NAV2: variants seen among roughly 807,000 people sequenced by gnomAD.
NAV2 encodes neuron navigator 2.
In NAV2, 54 loss-of-function variants were observed where a neutral mutation model predicts 223.2. That is an observed-to-expected ratio of 0.24 (90% CI 0.19 to 0.30). NAV2 has a LOEUF of 0.30. NAV2 is among the 10% of genes least tolerant of loss of function. NAV2 has a pLI of 1.00. For missense variants in NAV2, 2,806 were observed against 3,147.5 expected (o/e 0.89, Z 2.60); for synonymous variants, 1,279 against 1,239.3 (o/e 1.03, Z -0.67).
At chr11:19,697,099 TA>T (rs1212775134) in intron 1 of NAV2, among the ~76,000 whole-genome samples, 1 of 152,140 alleles carries the variant, frequency 6.6e-6, no homozygotes, top group Non-Finnish European at 1.5e-5. Flanking sequence ...TATGCAGCCA[TA>T]AAAAAGAACA....
intron 1 of NAV2, among the ~76,000 whole-genome samples, chr11:19,477,861 G>T (rs1449616512): frequency 6.6e-6 from 1 of 152,200 alleles, no homozygotes; most frequent in Non-Finnish European, 1.5e-5. Context: ...TGGGGAGCCA[G>T]AACTTAAAGT....
chr11:19,727,825 C>G (rs560085710), intron 1 of NAV2, among the ~76,000 whole-genome samples: 4 of 152,322 alleles, frequency 2.6e-5, no homozygotes, highest in African/African-American at 9.6e-5. Flanking sequence ...CATGGACCAC[C>G]ACAGGTGGAG....
chr11:20,060,524 G>A (rs181867950), intron 19 of NAV2, among the ~76,000 whole-genome samples: 11 of 152,334 alleles, frequency 7.2e-5, no homozygotes, highest in Non-Finnish European at 1.5e-4. Flanking sequence ...GATCTAGAAC[G>A]CAGGGCATTG....
At chr11:20,056,711 C>T (rs934774420) in intron 19 of NAV2, 7 of 874,368 alleles carry the variant, frequency 8.0e-6, no homozygotes, top group African/African-American at 1.7e-5. Flanking sequence ...CGGCAATGCT[C>T]ATTAACCAAT....
intron 1 of NAV2, among the ~76,000 whole-genome samples, chr11:19,508,697 T>G (rs2134209654): frequency 6.6e-6 from 1 of 152,370 alleles, no homozygotes; most frequent in South Asian, 2.1e-4. Context: ...AGAATTTTAA[T>G]TAAATGATTA....
chr11:19,787,745 C>G (rs1304829622), intron 1 of NAV2, among the ~76,000 whole-genome samples: 2 of 152,036 alleles, frequency 1.3e-5, no homozygotes, highest in African/African-American at 4.8e-5. Flanking sequence ...CTTCAGGAAG[C>G]CTCCCAAATC....
chr11:19,436,390 A>G (rs1259247507), intron 1 of NAV2, among the ~76,000 whole-genome samples: 1 of 152,132 alleles, frequency 6.6e-6, no homozygotes, highest in Non-Finnish European at 1.5e-5. Flanking sequence ...GATCATAGAT[A>G]TGTGAATTTA....
intron 1 of NAV2, among the ~76,000 whole-genome samples, chr11:19,371,759 T>G (rs2133861640): frequency 6.9e-6 from 1 of 145,170 alleles, no homozygotes; most frequent in East Asian, 2.1e-4. Flanking sequence ...TACCTTTTTC[T>G]GTATCAGGTT....
Position 20,049,096 on chromosome 11 carries a change from C to T in NAV2, c.4271C>T (p.Pro1424Leu). The T allele has an allele frequency of 6.2e-7, 1 of 1,614,108 alleles. No individual in the cohort carries two copies. The highest frequency in any genetic ancestry group is 8.5e-7 in the Non-Finnish European group (1 of 1,180,020). ...ATCTCCCTCAGCAGTGGAGGGGTCC[C>T]CAGCCACAATTCTTCCACTGGCCTC... ...IDISLSSGGV[P>L]SHNSSTGLIA... Residue 1424 changes from proline to leucine, a missense_variant, in exon 15 of 38, where the codon CCC (proline) becomes CTC (leucine). By Grantham distance (98) the Pro-to-Leu change is moderately conservative. This residue lies in a region of NAV2 where 742 missense variants were observed against 777.9 expected (regional missense o/e 0.95). Coordinates refer to ENST00000349880, the MANE Select transcript of NAV2 (RefSeq NM_145117.5).
intron 12 of NAV2, among the ~76,000 whole-genome samples, chr11:20,039,923 T>A (rs1408795640): frequency 6.6e-6 from 1 of 152,188 alleles, no homozygotes; most frequent in Admixed American, 6.5e-5. Context: ...GGCATGGATG[T>A]AGGGATGGGG....
chr11:19,912,293 G>A (rs892601790), intron 6 of NAV2, among the ~76,000 whole-genome samples: 24 of 152,146 alleles, frequency 1.6e-4, no homozygotes, highest in Non-Finnish European at 2.9e-4. Context: ...AGTGATTCTT[G>A]TATGTTTCTA....
intron 1 of NAV2, among the ~76,000 whole-genome samples, chr11:19,504,719 C>T (rs555310474): frequency 1.4e-4 from 22 of 152,282 alleles, no homozygotes; most frequent in East Asian, 3.9e-4. Context: ...CTTTCTGACC[C>T]AACAAAATGG....
At chr11:19,636,749 C>T (rs868288309) in intron 1 of NAV2, among the ~76,000 whole-genome samples, 4 of 152,146 alleles carry the variant, frequency 2.6e-5, no homozygotes, top group Admixed American at 6.5e-5. Context: ...GGATTATAGG[C>T]GTGAGCCACC....
At chr11:19,850,739 G>A (rs2061069719) in intron 3 of NAV2, among the ~76,000 whole-genome samples, 1 of 152,074 alleles carries the variant, frequency 6.6e-6, no homozygotes, top group South Asian at 2.1e-4. Flanking sequence ...CTTGAGGTGA[G>A]CATATTTAAT....
At chr11:19,460,483 T>C (rs1169998845) in intron 1 of NAV2, among the ~76,000 whole-genome samples, 1 of 152,144 alleles carries the variant, frequency 6.6e-6, no homozygotes, top group Non-Finnish European at 1.5e-5. Flanking sequence ...TTAGATTTCA[T>C]CATTTAAAAA....
At chr11:19,470,121 T>G (rs1371963985) in intron 1 of NAV2, among the ~76,000 whole-genome samples, 1 of 152,220 alleles carries the variant, frequency 6.6e-6, no homozygotes, top group African/African-American at 2.4e-5. Flanking sequence ...AGTGGAGCTA[T>G]GGGGCTTCAA....
chr11:19,893,053 G>C (rs1013539933), intron 6 of NAV2, among the ~76,000 whole-genome samples: 2 of 152,066 alleles, frequency 1.3e-5, no homozygotes, highest in African/African-American at 4.8e-5. Flanking sequence ...ATGTGGATTG[G>C]CTCATTGAAG....
At chr11:19,537,652 G>T (rs769880874) in intron 1 of NAV2, among the ~76,000 whole-genome samples, 11 of 152,180 alleles carry the variant, frequency 7.2e-5, no homozygotes, top group Non-Finnish European at 1.3e-4. Context: ...GCTCTTAAGT[G>T]TATTCTAGAT....
At chr11:19,754,079 G>C (rs1053553876) in intron 1 of NAV2, among the ~76,000 whole-genome samples, 1 of 152,196 alleles carries the variant, frequency 6.6e-6, no homozygotes, top group African/African-American at 2.4e-5. Context: ...TTACAAAAGG[G>C]CTTGCTAGAG....
Sources: gnomAD v4.1 joint callset for allele counts (sites outside exome capture counted in the v4.1 genomes callset) on GRCh38, gnomAD v4.1.1 for gene constraint, gnomAD v4.1.1 regional missense constraint, MANE v1.5 for transcripts, NCBI Gene and HGNC (gene_info 2026-07-23, HGNC 2026-07-21) for gene names.